Variants in CNTN3 observed in about 807,000 individuals in gnomAD.
CNTN3 encodes the protein contactin 3, also known as contactin-3.
A neutral mutation model predicts 119.1 loss-of-function variants in CNTN3; 60 were observed. That is an observed-to-expected ratio of 0.50 (90% confidence interval 0.41 to 0.62). The LOEUF (loss-of-function observed/expected upper bound fraction) is 0.62. Among genes scored for constraint, CNTN3 ranks in the 20% least tolerant of loss-of-function variants. The pLI, the probability that CNTN3 is intolerant of heterozygous loss-of-function variation, is 0.00. For synonymous variants in CNTN3, 450 were observed against 438.7 expected, an observed-to-expected ratio of 1.03 and a Z score of -0.32; for missense variants, 1,101 against 1,242.4, an observed-to-expected ratio of 0.89 and a Z score of 1.71.
chr3:74,414,169 G>T (rs377668419), intron 5 of CNTN3, among the ~76,000 whole-genome samples: 28 of 152,184 alleles, frequency 1.8e-4, no homozygotes, highest in Middle Eastern at 3.4e-3. Flanking sequence ...TAGCAACTTT[G>T]CTCTCCAAGA....
At chr3:74,297,469 G>C (rs949302601) in intron 18 of CNTN3, among the ~76,000 whole-genome samples, 1 of 152,062 alleles carries the variant, frequency 6.6e-6, no homozygotes, top group Non-Finnish European at 1.5e-5. Context: ...TATTTAGAGT[G>C]GGCTGGAGTG....
chr3:74,468,525 AG>A (rs1292170809), intron 4 of CNTN3, among the ~76,000 whole-genome samples: 6 of 152,180 alleles, frequency 3.9e-5, no homozygotes, highest in African/African-American at 1.4e-4. Context: ...ATATTGATAG[AG>A]ATGACCCCAT....
At chr3:74,306,918 G>C (rs1315000795) in intron 13 of CNTN3, among the ~76,000 whole-genome samples, 1 of 152,158 alleles carries the variant, frequency 6.6e-6, no homozygotes, top group African/African-American at 2.4e-5. Flanking sequence ...TGGAAGACAG[G>C]CATTAATGAA....
intron 1 of CNTN3, among the ~76,000 whole-genome samples, chr3:74,536,143 C>T (rs373943448): frequency 6.6e-6 from 1 of 151,952 alleles, no homozygotes; most frequent in Non-Finnish European, 1.5e-5. Flanking sequence ...ATTTTATTTA[C>T]GGAGATGGTC....
At chr3:74,555,934 T>C (rs1003491205) in intron 1 of CNTN3, among the ~76,000 whole-genome samples, 2 of 152,194 alleles carry the variant, frequency 1.3e-5, no homozygotes, top group African/African-American at 2.4e-5. Context: ...AAGTTCTTTA[T>C]AGCAGTGTGA....
In CNTN3 at chr3:74,291,792, A is replaced by G. The variant is rs1475637383; in HGVS notation, c.2517+3329T>C. Among the ~76,000 whole-genome samples, 3 of 152,148 alleles carry G rather than the reference A, an allele frequency of 2.0e-5. No individual in the cohort carries two copies. In the East Asian group the frequency reaches 5.8e-4, roughly 29 times the overall value. ...CTGTGGCTCCCTTCCCAAAGCCCCCAAGATCACTTACTTTTGTGTTTGATT... is the reference window on the plus strand; with the variant it reads ...CTGTGGCTCCCTTCCCAAAGCCCCCGAGATCACTTACTTTTGTGTTTGATT... On this transcript the variant is annotated intron_variant, in intron 19 of 22. Coordinates refer to ENST00000263665, the MANE Select transcript of CNTN3 (RefSeq NM_020872.3).
At chr3:74,423,276 A>G (rs1016194737) in intron 5 of CNTN3, among the ~76,000 whole-genome samples, 4 of 152,222 alleles carry the variant, frequency 2.6e-5, no homozygotes, top group Admixed American at 1.3e-4. Context: ...AGAGAAAGAA[A>G]CTGAATTGTG....
At chr3:74,566,658 C>A (rs1704230348) in intron 1 of CNTN3, among the ~76,000 whole-genome samples, 1 of 152,132 alleles carries the variant, frequency 6.6e-6, no homozygotes, top group Non-Finnish European at 1.5e-5. Context: ...GGGTGTAGGG[C>A]ACACCCTAAT....
chr3:74,316,799 G>C (rs961738445), intron 13 of CNTN3, among the ~76,000 whole-genome samples: 4 of 151,924 alleles, frequency 2.6e-5, no homozygotes, highest in Non-Finnish European at 4.4e-5. Flanking sequence ...GTGGTGGCGG[G>C]TGCCTGTAGT....
At chr3:74,493,050 C>A (rs1311013591) in intron 3 of CNTN3, among the ~76,000 whole-genome samples, 5 of 152,000 alleles carry the variant, frequency 3.3e-5, no homozygotes. Context: ...ATCCATATTG[C>A]CAATAAACAA....
chr3:74,526,380 T>G (rs2107129570), intron 1 of CNTN3, among the ~76,000 whole-genome samples: 1 of 151,770 alleles, frequency 6.6e-6, no homozygotes, highest in South Asian at 2.1e-4. Context: ...AGTCAACTAG[T>G]TAATGAGTAT....
Position 74,321,265 on chromosome 3 carries a change from G to A in CNTN3, c.1668+13470C>T, listed in dbSNP as rs111566636. Among the ~76,000 whole-genome samples, 238 of 152,178 alleles carry A rather than the reference G, an allele frequency of 1.6e-3. 1 individual carries two copies. Among genetic ancestry groups the A allele is most frequent in the African/African-American group, 5.7e-3 (235 of 41,508 alleles). On this transcript the variant is annotated intron_variant, in intron 13 of 22. Coordinates refer to ENST00000263665, the MANE Select transcript of CNTN3 (RefSeq NM_020872.3). ...TAACAAACCTGTATGTGTGCCCACT[G>A]ATCCTAAAATAATACTTAAACAAAA... is the stretch of plus-strand genomic sequence containing the variant.
At chr3:74,272,413 A>G (rs867201338) in intron 20 of CNTN3, among the ~76,000 whole-genome samples, 41 of 152,196 alleles carry the variant, frequency 2.7e-4, no homozygotes, top group African/African-American at 8.9e-4. Flanking sequence ...CTGATTCTAT[A>G]TTAGCAGAAA....
intron 5 of CNTN3, among the ~76,000 whole-genome samples, chr3:74,417,601 A>T (rs1040900110): frequency 2.0e-5 from 3 of 152,188 alleles, no homozygotes; most frequent in Non-Finnish European, 4.4e-5. Flanking sequence ...AGGCAGGCTC[A>T]ATTAATATTT....
intron 2 of CNTN3, among the ~76,000 whole-genome samples, chr3:74,504,918 T>G (rs976681680): frequency 6.6e-6 from 1 of 152,152 alleles, no homozygotes; most frequent in Non-Finnish European, 1.5e-5. Context: ...ACAGAATTTT[T>G]TGTCTCACAG....
At chr3:74,303,831 A>T (rs1702506532) in intron 13 of CNTN3, among the ~76,000 whole-genome samples, 1 of 152,180 alleles carries the variant, frequency 6.6e-6, no homozygotes, top group Non-Finnish European at 1.5e-5. Context: ...AGCATGTAAA[A>T]TTGTGTTAAT....
rs141410251 is a variant in CNTN3 at position 74,437,379 on chromosome 3, G to A, written c.359-12439C>T. Among the ~76,000 whole-genome samples, 1,468 of 151,968 alleles carry A rather than the reference G, an allele frequency of 9.7e-3. 9 individuals carry two copies. The highest frequency in any genetic ancestry group is 0.031 in the South Asian group (150 of 4,802). On this transcript the variant is annotated intron_variant, in intron 4 of 22. Coordinates refer to ENST00000263665, the MANE Select transcript of CNTN3 (RefSeq NM_020872.3). ...CGGGAGGCTGAGGCAGGAGAATGGC[G>A]TGAATCCGGGAGGCAGAGCTTGCAG...
intron 4 of CNTN3, among the ~76,000 whole-genome samples, chr3:74,450,795 G>A (rs1278036543): frequency 6.6e-6 from 1 of 151,378 alleles, no homozygotes; most frequent in Non-Finnish European, 1.5e-5. Flanking sequence ...AGTTTACTGA[G>A]AATGACGATT....
chr3:74,440,947 C>T (rs77756657), intron 4 of CNTN3, among the ~76,000 whole-genome samples: 3,503 of 152,026 alleles, frequency 0.023, 120 homozygotes, highest in African/African-American at 0.075. Context: ...CATGAGCATC[C>T]CTGGAGTTTG....
Sources: gnomAD v4.1 joint callset for allele counts (sites outside exome capture counted in the v4.1 genomes callset) on GRCh38, gnomAD v4.1.1 for gene constraint, MANE v1.5 for transcripts, NCBI Gene and HGNC (gene_info 2026-07-23, HGNC 2026-07-21) for gene names.